NPR3: variants seen among roughly 807,000 people sequenced by gnomAD.
NPR3 encodes the protein atrial natriuretic peptide receptor 3.
Under a neutral mutation model 54.5 loss-of-function variants are expected in NPR3, and 34 were observed. The ratio of observed to expected loss-of-function variants is 0.62; its 90% CI spans 0.47 to 0.83. The LOEUF (loss-of-function observed/expected upper bound fraction) is 0.83. Among genes scored for constraint, NPR3 ranks in the 40% least tolerant of loss-of-function variants. The pLI, the probability that NPR3 is intolerant of heterozygous loss-of-function variation, is 0.00. For synonymous variants in NPR3, 289 were observed against 297.1 expected (o/e 0.97, Z 0.28); for missense variants, 674 against 720.8 (o/e 0.94, Z 0.74).
Position 32,756,669 on chromosome 5 carries a change from C to G in NPR3, c.1059+17639C>G, listed in dbSNP as rs199579910. Among the ~76,000 whole-genome samples, 839 of 152,164 alleles carry G rather than the reference C, an allele frequency of 5.5e-3. 6 individuals carry two copies. Among genetic ancestry groups the G allele is most frequent in the East Asian group, 0.02 (106 of 5,186 alleles). ...TTGCTTTTGGTGTTTTAGACATGAA[C>G]TCCTTGCCCATGCCTATGTCCTGAA... On this transcript the variant is annotated intron_variant, in intron 3 of 7. Coordinates refer to ENST00000265074, the MANE Select transcript of NPR3 (RefSeq NM_001204375.2).
intron 2 of NPR3, among the ~76,000 whole-genome samples, chr5:32,732,577 T>C (rs1739519882): frequency 1.3e-5 from 2 of 152,184 alleles, no homozygotes; most frequent in Admixed American, 1.3e-4. Flanking sequence ...CAACTGTCCA[T>C]CTTCCACAGA....
chr5:32,771,311 G>C (rs1741748960), intron 3 of NPR3, among the ~76,000 whole-genome samples: 1 of 152,178 alleles, frequency 6.6e-6, no homozygotes. Context: ...GCAGGAGAGG[G>C]AGACACTCAG....
At chr5:32,749,671 T>C (rs1027219516) in intron 3 of NPR3, among the ~76,000 whole-genome samples, 2 of 152,214 alleles carry the variant, frequency 1.3e-5, no homozygotes, top group Non-Finnish European at 2.9e-5. Flanking sequence ...CCCTATATTC[T>C]TGGGGCCCAG....
At chr5:32,754,234 A>G (rs754482978) in intron 3 of NPR3, among the ~76,000 whole-genome samples, 2 of 152,226 alleles carry the variant, frequency 1.3e-5, no homozygotes, top group Non-Finnish European at 2.9e-5. Context: ...ATGGGTATTA[A>G]AACAATCGAT....
At chr5:32,781,439 C>T (rs1742333373) in intron 5 of NPR3, among the ~76,000 whole-genome samples, 1 of 148,516 alleles carries the variant, frequency 6.7e-6, no homozygotes, top group African/African-American at 2.5e-5. Context: ...GCAAAGAATG[C>T]CACTTCCTCT....
At chr5:32,763,857 T>C (rs1464355180) in intron 3 of NPR3, among the ~76,000 whole-genome samples, 2 of 152,236 alleles carry the variant, frequency 1.3e-5, no homozygotes, top group African/African-American at 2.4e-5. Context: ...TAATTTTTGT[T>C]CTAGCAGGTA....
chr5:32,714,692 C>G (rs772758195), intron 1 of NPR3, among the ~76,000 whole-genome samples: 36 of 152,210 alleles, frequency 2.4e-4, no homozygotes, highest in Admixed American at 6.5e-4. Flanking sequence ...CCAATCGCCT[C>G]TAATCATCCT....
At chr5:32,758,969 C>T (rs1472911182) in intron 3 of NPR3, among the ~76,000 whole-genome samples, 2 of 152,268 alleles carry the variant, frequency 1.3e-5, no homozygotes, top group Middle Eastern at 3.4e-3. Context: ...GTCCGAGAGA[C>T]AGTTTGTTAT....
At chr5:32,743,460 A>G (rs1405870207) in intron 3 of NPR3, among the ~76,000 whole-genome samples, 2 of 151,322 alleles carry the variant, frequency 1.3e-5, no homozygotes, top group Non-Finnish European at 3.0e-5. Context: ...TTTGAATTTT[A>G]TCAAATGCGT....
intron 1 of NPR3, among the ~76,000 whole-genome samples, chr5:32,693,460 C>T (rs4867472): frequency 0.34 from 51,990 of 151,990 alleles, 9,203 homozygotes; most frequent in Middle Eastern, 0.46. Flanking sequence ...ACGGAGTTTA[C>T]ATTTTAATGG....
chr5:32,706,150 C>T (rs1055216650), upstream of NPR3, among the ~76,000 whole-genome samples: 5 of 152,240 alleles, frequency 3.3e-5, no homozygotes, highest in East Asian at 7.7e-4. Context: ...ACCTCCCTGC[C>T]AACCCTGCAC....
intron 3 of NPR3, among the ~76,000 whole-genome samples, chr5:32,757,795 G>C (rs1740926050): frequency 6.6e-6 from 1 of 152,126 alleles, no homozygotes; most frequent in Admixed American, 6.6e-5. Flanking sequence ...AATTTATTGA[G>C]CGTTTTTAGC....
chr5:32,775,012 G>A (rs1403083401), intron 4 of NPR3, among the ~76,000 whole-genome samples, 169 bp downstream of exon 4: 1 of 152,116 alleles, frequency 6.6e-6, no homozygotes, highest in Admixed American at 6.5e-5. Flanking sequence ...GATAATACAC[G>A]TGAAAGTGCT....
chr5:32,778,969 G>T (rs747320672), intron 4 of NPR3, among the ~76,000 whole-genome samples: 9 of 152,224 alleles, frequency 5.9e-5, no homozygotes, highest in South Asian at 2.1e-4. Context: ...GGCTGTCAAG[G>T]ATACACAAGT....
intron 6 of NPR3, 31 bp from the exon 7 acceptor site, chr5:32,784,765 G>A: frequency 6.4e-7 from 1 of 1,562,520 alleles, no homozygotes; most frequent in Middle Eastern, 1.7e-4. Context: ...ATCTCCAAAT[G>A]AACCCTGATT....
chr5:32,745,524 C>A (rs896548524), intron 3 of NPR3, among the ~76,000 whole-genome samples: 2 of 152,220 alleles, frequency 1.3e-5, no homozygotes, highest in Admixed American at 1.3e-4. Context: ...GTTGCATCCC[C>A]TGACTCCTGC....
intron 1 of NPR3, among the ~76,000 whole-genome samples, chr5:32,723,452 C>T (rs746382081): frequency 1.2e-4 from 18 of 152,160 alleles, no homozygotes; most frequent in South Asian, 2.1e-4. Context: ...ATCTTACAAA[C>T]GATTTCTTAT....
Position 32,780,730 on chromosome 5 carries a change from G to A in NPR3, c.1204G>A (p.Gly402Arg), listed in dbSNP as rs762221763. ...TWNRTFEGIA[G>R]QVSIDANGDR... ...CGCTTCTGGTCCTGTAGGTATCGCC[G>A]GGCAGGTGTCCATAGATGCCAACGG... The change falls in exon 5 of 8, where the codon GGG becomes AGG. Residue 402 changes from glycine to arginine, a missense_variant. Coordinates refer to ENST00000265074, the MANE Select transcript of NPR3 (RefSeq NM_001204375.2). 1.3e-5 allele frequency: 20 copies of A among 1,523,468 alleles called. No individual in the cohort carries two copies. The highest frequency in any genetic ancestry group is 2.2e-5 in the East Asian group (1 of 44,454). 94.4% of individuals were successfully genotyped at this position (1,523,468 alleles called of 1,614,324 possible).
chr5:32,755,121 A>G (rs1357738089), intron 3 of NPR3, among the ~76,000 whole-genome samples: 1 of 152,220 alleles, frequency 6.6e-6, no homozygotes, highest in Non-Finnish European at 1.5e-5. Context: ...CAGCCTCCCA[A>G]AGTGCCGGGA....
Sources: gnomAD v4.1 joint callset for allele counts (sites outside exome capture counted in the v4.1 genomes callset) on GRCh38, gnomAD v4.1.1 for gene constraint, MANE v1.5 for transcripts, NCBI Gene and HGNC (gene_info 2026-07-23, HGNC 2026-07-21) for gene names.